Variants in DHX32 observed in about 807,000 individuals in gnomAD.
DHX32 encodes the protein DEAH-box helicase 32 (putative), also known as putative pre-mRNA-splicing factor ATP-dependent RNA helicase DHX32.
A neutral mutation model predicts 70.0 loss-of-function variants in DHX32; 51 were observed. The ratio of observed to expected loss-of-function variants is 0.73; its 90% CI spans 0.58 to 0.92. DHX32 has a LOEUF of 0.92. Among genes scored for constraint, DHX32 ranks in the 40% least tolerant of loss-of-function variants. The pLI is 0.00. For synonymous variants in DHX32, 310 were observed against 315.3 expected, an observed-to-expected ratio of 0.98 and a Z score of 0.18; for missense variants, 762 against 891.8, an observed-to-expected ratio of 0.85 and a Z score of 1.85.
intron 1 of DHX32, chr10:125,869,278 TA>T (rs1027659278): frequency 6.6e-6 from 1 of 152,156 alleles, no homozygotes; most frequent in Admixed American, 6.5e-5. Context: ...TACTTGTTTT[TA>T]AAAAATTTTC....
intron 1 of DHX32, among the ~76,000 whole-genome samples, chr10:125,868,705 G>C (rs1944237589): frequency 6.6e-6 from 1 of 152,170 alleles, no homozygotes; most frequent in Non-Finnish European, 1.5e-5. Flanking sequence ...CCACCTAAGG[G>C]ATTGGCTTGC....
intron 1 of DHX32, among the ~76,000 whole-genome samples, chr10:125,892,294 C>G (rs77088800): frequency 6.4e-3 from 894 of 138,988 alleles, no homozygotes; most frequent in East Asian, 0.025. Context: ...CTTCACTGAG[C>G]TTCAGCAACA....
At chr10:125,874,558 G>A (rs1277589689) in intron 1 of DHX32, among the ~76,000 whole-genome samples, 2 of 152,194 alleles carry the variant, frequency 1.3e-5, no homozygotes, top group Non-Finnish European at 2.9e-5. Context: ...AAACTGCAGT[G>A]TGGATTAGCA....
chr10:125,896,371 C>G, exon 1 of DHX32: 1 of 452,992 alleles, frequency 2.2e-6, no homozygotes, highest in Non-Finnish European at 3.6e-6. Flanking sequence ...GCCGCGGGGG[C>G]CGCCAGGGAG....
At position 125,865,207 on chromosome 10, in the gene DHX32, C is replaced by A. The variant is rs147026118; in HGVS notation, c.476+1783G>T. Among the ~76,000 whole-genome samples, 118 of 152,172 alleles carry A rather than the reference C, an allele frequency of 7.8e-4. No individual in the cohort carries two copies. The East Asian group carries it at 0.018, about 23-fold the overall frequency. On this transcript the variant is annotated intron_variant, in intron 2 of 10. Transcript: ENST00000284690. ...ACAAATCTGCTTAGGGATCCTTCAC[C>A]CTTTCAGGGTCCTATGTCTTGTCCT...
intron 6 of DHX32, among the ~76,000 whole-genome samples, chr10:125,850,545 A>T (rs552269202): frequency 6.6e-6 from 1 of 151,826 alleles, no homozygotes; most frequent in African/African-American, 2.4e-5. Context: ...AGTAGAGACG[A>T]GATTTCACCA....
At chr10:125,886,396 T>C (rs554744947) in intron 1 of DHX32, among the ~76,000 whole-genome samples, 1 of 152,336 alleles carries the variant, frequency 6.6e-6, no homozygotes, top group South Asian at 2.1e-4. Flanking sequence ...TTTCTGTTGG[T>C]GCCCTTCACT....
chr10:125,872,564 C>T (rs532048297), intron 1 of DHX32, among the ~76,000 whole-genome samples: 53 of 152,298 alleles, frequency 3.5e-4, no homozygotes, highest in African/African-American at 1.1e-3. Context: ...CTTGGATTTA[C>T]GCATTTGGTC....
chr10:125,859,966 A>G lies in DHX32; in HGVS notation c.486T>C (p.Thr162=), dbSNP rs1944175597. The stretch of plus-strand genomic sequence containing the variant: ...TCATTTCTCTTTGCAGCATATCATC[A>G]GTACAATACCTATAAAGAAGAAACA... ...CTNETILRYC[T]DDMLQREMMS... Residue 162 remains threonine (T), a synonymous_variant, in exon 3 of 11, where the codon ACT becomes ACC. Coordinates refer to ENST00000284690, the MANE Select transcript of DHX32 (RefSeq NM_018180.3). The G allele has an allele frequency of 6.4e-7, 1 of 1,562,934 alleles. No individual in the cohort carries two copies.
intron 6 of DHX32, among the ~76,000 whole-genome samples, chr10:125,851,746 A>C (rs1944091719): frequency 6.6e-6 from 1 of 152,008 alleles, no homozygotes; most frequent in African/African-American, 2.4e-5. Flanking sequence ...TTGTAAAAGA[A>C]ATCTACATCT....
chr10:125,879,510 T>G (rs1386518592), intron 1 of DHX32, among the ~76,000 whole-genome samples: 1 of 152,208 alleles, frequency 6.6e-6, no homozygotes, highest in South Asian at 2.1e-4. Flanking sequence ...CTAACCAATT[T>G]AAATGTCTTT....
intron 2 of DHX32, among the ~76,000 whole-genome samples, chr10:125,860,640 G>A (rs1944180826): frequency 6.6e-6 from 1 of 151,970 alleles, no homozygotes. Context: ...TACTTCTTGG[G>A]ATGATTTTTT....
intron 1 of DHX32, among the ~76,000 whole-genome samples, chr10:125,876,751 A>G (rs10794031): frequency 0.47 from 70,877 of 152,006 alleles, 16,980 homozygotes; most frequent in African/African-American, 0.55. Context: ...GAGTTGTGTC[A>G]GATTAAAAAA....
intron 4 of DHX32, chr10:125,853,000 T>C (rs1944111122): frequency 1.7e-5 from 12 of 712,232 alleles, no homozygotes; most frequent in Non-Finnish European, 2.6e-5. Flanking sequence ...GCCATGTTTC[T>C]TTATAGTTTT....
At chr10:125,874,660 T>C (rs1415506482) in intron 1 of DHX32, among the ~76,000 whole-genome samples, 3 of 152,214 alleles carry the variant, frequency 2.0e-5, no homozygotes, top group Non-Finnish European at 4.4e-5. Flanking sequence ...CACGAAGCCC[T>C]GTTTCTCATA....
At chr10:125,883,219 G>A (rs1162296167), upstream of DHX32, among the ~76,000 whole-genome samples, 3 of 152,140 alleles carry the variant, frequency 2.0e-5, no homozygotes, top group African/African-American at 7.2e-5. Flanking sequence ...ATTGTGCAAT[G>A]TATCCACACA....
chr10:125,869,278 T>A (rs936308588), intron 1 of DHX32: 1 of 152,156 alleles, frequency 6.6e-6, no homozygotes, highest in Admixed American at 6.5e-5. Flanking sequence ...TACTTGTTTT[T>A]AAAAAATTTT....
chr10:125,895,358 T>C (rs1165188502), intron 1 of DHX32, among the ~76,000 whole-genome samples: 2 of 152,274 alleles, frequency 1.3e-5, no homozygotes, highest in East Asian at 1.9e-4. Flanking sequence ...GGAGCAGCGG[T>C]TGGAATTAAT....
intron 3 of DHX32, among the ~76,000 whole-genome samples, chr10:125,855,749 C>G (rs1201644263): frequency 6.6e-6 from 1 of 152,152 alleles, no homozygotes; most frequent in Non-Finnish European, 1.5e-5. Flanking sequence ...CGCACCTGGC[C>G]CAAGATAAAC....
Sources: gnomAD v4.1 joint callset for allele counts (sites outside exome capture counted in the v4.1 genomes callset) on GRCh38, gnomAD v4.1.1 for gene constraint, MANE v1.5 for transcripts, NCBI Gene and HGNC (gene_info 2026-07-23, HGNC 2026-07-21) for gene names.